Variants in CEP112 observed in about 807,000 individuals in gnomAD.
CEP112 encodes the protein centrosomal protein of 112 kDa.
CEP112 carries 127 observed loss-of-function variants against 153.0 expected under a neutral mutation model. The observed-to-expected ratio is 0.83, with a 90% CI of 0.72 to 0.96. The LOEUF (loss-of-function observed/expected upper bound fraction) is 0.96, where lower values mean the gene tolerates loss of function less well. CEP112 is among the 40% of genes least tolerant of loss of function. The pLI, the probability that CEP112 is intolerant of heterozygous loss-of-function variation, is 0.00. For synonymous variants in CEP112, 358 were observed against 374.4 expected, an observed-to-expected ratio of 0.96 and a Z score of 0.51; for missense variants, 1,089 against 1,101.2, an observed-to-expected ratio of 0.99 and a Z score of 0.16.
intron 21 of CEP112, among the ~76,000 whole-genome samples, chr17:65,778,824 G>C (rs17695313): frequency 0.29 from 43,746 of 151,838 alleles, 8,060 homozygotes; most frequent in Middle Eastern, 0.41. Context: ...ATGAAAATTG[G>C]ACATAAATTT....
intron 8 of CEP112, among the ~76,000 whole-genome samples, chr17:66,082,050 T>A (rs1322283028): frequency 1.3e-5 from 2 of 152,128 alleles, no homozygotes; most frequent in African/African-American, 4.8e-5. Context: ...ACAAAAAGAG[T>A]AATTTTTTAC....
chr17:65,656,240 GT>G (rs2046057990), intron 24 of CEP112, among the ~76,000 whole-genome samples: 2 of 152,222 alleles, frequency 1.3e-5, no homozygotes, highest in Non-Finnish European at 2.9e-5. Flanking sequence ...TTCTGGAATT[GT>G]GACAACCATC....
At chr17:65,757,572 A>G (rs895416306) in intron 21 of CEP112, among the ~76,000 whole-genome samples, 1 of 152,222 alleles carries the variant, frequency 6.6e-6, no homozygotes, top group Admixed American at 6.5e-5. Context: ...GTCTGTACAG[A>G]AGCACTTCTG....
At chr17:65,794,865 C>G (rs1156564968) in intron 21 of CEP112, among the ~76,000 whole-genome samples, 1 of 152,210 alleles carries the variant, frequency 6.6e-6, no homozygotes, top group Non-Finnish European at 1.5e-5. Flanking sequence ...GTCTTTCAAC[C>G]AGTGTTCCCT....
chr17:66,140,324 G>A (rs117222129), intron 4 of CEP112, among the ~76,000 whole-genome samples: 5,186 of 152,056 alleles, frequency 0.034, 131 homozygotes, highest in Middle Eastern at 0.061. Flanking sequence ...CATAATACTC[G>A]AACAGTGAAA....
At chr17:66,116,840 A>C (rs1301862160) in intron 6 of CEP112, among the ~76,000 whole-genome samples, 3 of 149,306 alleles carry the variant, frequency 2.0e-5, no homozygotes, top group Admixed American at 6.7e-5. Flanking sequence ...TTATATATGA[A>C]GCATGGTAAT....
chr17:66,142,763 C>T (rs1211489966), intron 4 of CEP112, among the ~76,000 whole-genome samples: 1 of 152,128 alleles, frequency 6.6e-6, no homozygotes, highest in African/African-American at 2.4e-5. Context: ...ATTTGTAATA[C>T]ATTTTGAAAT....
intron 24 of CEP112, among the ~76,000 whole-genome samples, chr17:65,672,797 C>T (rs996739190): frequency 2.6e-5 from 4 of 152,232 alleles, no homozygotes; most frequent in Non-Finnish European, 5.9e-5. Context: ...GAGAAAGTCC[C>T]AGATTCACAC....
chr17:65,655,265 A>T, intron 24 of CEP112: 1 of 1,090,414 alleles, frequency 9.2e-7, no homozygotes, highest in Non-Finnish European at 1.4e-6. Flanking sequence ...TATGGTGCAG[A>T]CTGCCTTTGT....
chr17:65,998,614 G>A (rs758967568), intron 17 of CEP112, among the ~76,000 whole-genome samples: 5 of 151,752 alleles, frequency 3.3e-5, no homozygotes, highest in Non-Finnish European at 5.9e-5. Context: ...GATTTTATAA[G>A]GCAATGAGAA....
At chr17:66,063,226 G>T (rs2066992690) in intron 10 of CEP112, 145 bp from the exon 11 acceptor site, 1 of 436,544 alleles carries the variant, frequency 2.3e-6, no homozygotes. Context: ...TTTATTCCTT[G>T]CTCTTTTTCT....
chr17:66,023,962 A>T (rs1239073369), intron 16 of CEP112, among the ~76,000 whole-genome samples: 2 of 152,186 alleles, frequency 1.3e-5, no homozygotes, highest in African/African-American at 4.8e-5. Flanking sequence ...TCAAAAACAT[A>T]ATACACCATG....
At chr17:66,075,675 G>A (rs1430660569) in intron 8 of CEP112, among the ~76,000 whole-genome samples, 1 of 152,152 alleles carries the variant, frequency 6.6e-6, no homozygotes, top group African/African-American at 2.4e-5. Context: ...GATCTTGAAT[G>A]GGAATCATTA....
chr17:65,854,541 T>C (rs1261217924), intron 20 of CEP112, among the ~76,000 whole-genome samples: 1 of 152,182 alleles, frequency 6.6e-6, no homozygotes, highest in Non-Finnish European at 1.5e-5. Context: ...GTAATAAATC[T>C]GAGCCTTCGA....
chr17:65,837,948 T>C (rs1356099044), intron 21 of CEP112, among the ~76,000 whole-genome samples: 4 of 152,148 alleles, frequency 2.6e-5, no homozygotes, highest in Non-Finnish European at 5.9e-5. Context: ...ACACAAACAC[T>C]GCGGAAGGCG....
At chr17:65,960,624 C>T (rs1002934482) in intron 18 of CEP112, among the ~76,000 whole-genome samples, 2 of 152,192 alleles carry the variant, frequency 1.3e-5, no homozygotes, top group African/African-American at 2.4e-5. Flanking sequence ...ATACCTAATA[C>T]AACATCTACA....
At chr17:65,830,169 T>C (rs1404365986) in intron 21 of CEP112, among the ~76,000 whole-genome samples, 1 of 152,162 alleles carries the variant, frequency 6.6e-6, no homozygotes, top group Admixed American at 6.5e-5. Flanking sequence ...GTGGAATAGA[T>C]TGTCTGGCAT....
chr17:65,883,282 G>A (rs1568166136), intron 20 of CEP112, among the ~76,000 whole-genome samples: 1 of 135,656 alleles, frequency 7.4e-6, no homozygotes, highest in African/African-American at 2.8e-5. Context: ...ATATATATAT[G>A]AAGTGTATAT....
intron 22 of CEP112, among the ~76,000 whole-genome samples, chr17:65,744,193 T>A (rs909501398): frequency 6.6e-6 from 1 of 152,190 alleles, no homozygotes; most frequent in Non-Finnish European, 1.5e-5. Context: ...ACTGCACTAA[T>A]TGGGTCCTTT....
Sources: allele counts gnomAD v4.1 joint callset (sites outside exome capture counted in the v4.1 genomes callset), GRCh38; gene constraint gnomAD v4.1.1; transcripts MANE v1.5; gene names NCBI Gene and HGNC (gene_info 2026-07-23, HGNC 2026-07-21).